The following MCPH1 variants were observed in gnomAD, a reference collection of about 807,000 sequenced individuals.
MCPH1 encodes microcephalin.
Under a neutral mutation model 84.5 loss-of-function variants are expected in MCPH1, and 104 were observed. That is an observed-to-expected ratio of 1.23 (90% CI 1.05 to 1.45). MCPH1 has a LOEUF of 1.45. Among genes scored for constraint, MCPH1 ranks in the 40% most tolerant of loss-of-function variants. MCPH1 has a pLI of 0.00. For missense variants in MCPH1, 1,498 were observed against 1,005.7 expected (o/e 1.49, Z -6.62); for synonymous variants, 514 against 366.8 (o/e 1.40, Z -4.58).
intron 12 of MCPH1, among the ~76,000 whole-genome samples, chr8:6,560,422 C>T (rs1340919328): frequency 6.6e-6 from 1 of 152,068 alleles, no homozygotes; most frequent in East Asian, 1.9e-4. Context: ...GGTGACAAAA[C>T]ACAGGAGAAA....
At chr8:6,416,964 A>G (rs1563175383) in intron 3 of MCPH1, among the ~76,000 whole-genome samples, 1 of 151,862 alleles carries the variant, frequency 6.6e-6, no homozygotes, top group Non-Finnish European at 1.5e-5. Context: ...ATTGCACTTT[A>G]GCCTGGGCGA....
chr8:6,548,754 A>G (rs1441214340), intron 12 of MCPH1, among the ~76,000 whole-genome samples: 1 of 152,238 alleles, frequency 6.6e-6, no homozygotes, highest in African/African-American at 2.4e-5. Flanking sequence ...TCTCTCTCTG[A>G]TGATGCTGGA....
intron 9 of MCPH1, among the ~76,000 whole-genome samples, chr8:6,459,888 T>C (rs1261048860): frequency 1.3e-5 from 2 of 152,184 alleles, no homozygotes; most frequent in African/African-American, 4.8e-5. Context: ...TGGGAAGGCC[T>C]GGAGCCTGTG....
At chr8:6,616,852 CT>C (rs761548139) in intron 12 of MCPH1, 11 of 152,224 alleles carry the variant, frequency 7.2e-5, no homozygotes, top group Non-Finnish European at 1.3e-4. Flanking sequence ...TTAATCCCCT[CT>C]TCTTTCATGA....
chr8:6,559,975 A>T (rs1825267551), intron 12 of MCPH1, among the ~76,000 whole-genome samples: 1 of 152,224 alleles, frequency 6.6e-6, no homozygotes, highest in South Asian at 2.1e-4. Context: ...CGGACAGATT[A>T]AAGGGGCAGC....
At position 6,455,205 on chromosome 8, in the gene MCPH1, C is replaced by G; in HGVS notation, c.1888C>G (p.Leu630Val). 6.2e-7 allele frequency: 1 copy of G among 1,614,000 alleles called. No homozygotes were observed. Among genetic ancestry groups the G allele is most frequent in the Non-Finnish European group, 8.5e-7 (1 of 1,179,946 alleles). ...LDDSCDGFKD[L>V]IKPHEELKKS... is the part of the protein sequence containing the mutation. Reference sequence around the variant, plus strand: ...TGACTCATGTGACGGCTTTAAGGACCTCATCAAACCTCATGAGGAATTGAA... The same window carrying G: ...TGACTCATGTGACGGCTTTAAGGACGTCATCAAACCTCATGAGGAATTGAA... The change falls in exon 9 of 14, where the codon CTC (leucine) becomes GTC (valine). Residue 630 changes from leucine (L) to valine (V), a missense_variant. Leu to Val is a conservative substitution (Grantham distance 32). Transcript: ENST00000344683.
intron 12 of MCPH1, among the ~76,000 whole-genome samples, chr8:6,531,309 G>A (rs1365611668): frequency 3.6e-5 from 5 of 137,278 alleles, no homozygotes; most frequent in Non-Finnish European, 7.8e-5. Flanking sequence ...TTTTTTTTGA[G>A]TTGAAGTCTC....
intron 11 of MCPH1, among the ~76,000 whole-genome samples, chr8:6,487,516 G>T (rs946469864): frequency 1.3e-5 from 2 of 152,194 alleles, no homozygotes; most frequent in Non-Finnish European, 2.9e-5. Flanking sequence ...TCCTAAGTCT[G>T]TTCAAAAGGG....
chr8:6,597,711 C>A (rs1191471241), intron 12 of MCPH1, among the ~76,000 whole-genome samples: 1 of 152,184 alleles, frequency 6.6e-6, no homozygotes, highest in Non-Finnish European at 1.5e-5. Context: ...TCTCTGGGAA[C>A]ATTTCCTTCA....
chr8:6,571,700 T>C (rs928196418), intron 12 of MCPH1, among the ~76,000 whole-genome samples: 1 of 152,176 alleles, frequency 6.6e-6, no homozygotes, highest in African/African-American at 2.4e-5. Context: ...AAATTGCTTA[T>C]GTCAAAGAAG....
chr8:6,435,757 G>T lies in MCPH1; in HGVS notation c.322-291G>T, dbSNP rs138429838. Among the ~76,000 whole-genome samples the T allele has an allele frequency of 6.7e-3, 1,013 of 152,184 alleles. 10 individuals are homozygous for T. The highest frequency in any genetic ancestry group is 9.0e-3 in the Admixed American group (137 of 15,290). Reference sequence around the variant, plus strand: ...TTGGTGGTAAGAACAGCAAAAAATCGAAAGAGACTGGCTAAAAACTTTCAT... The same window carrying T: ...TTGGTGGTAAGAACAGCAAAAAATCTAAAGAGACTGGCTAAAAACTTTCAT... On this transcript the variant is annotated intron_variant, in intron 4 of 13. Coordinates refer to ENST00000344683, the MANE Select transcript of MCPH1 (RefSeq NM_024596.5).
intron 13 of MCPH1, among the ~76,000 whole-genome samples, chr8:6,633,399 T>C (rs1317052115): frequency 6.6e-6 from 1 of 152,188 alleles, no homozygotes; most frequent in African/African-American, 2.4e-5. Context: ...AATTATAAAA[T>C]GTAACAGAAA....
At chr8:6,439,433 C>G (rs1167539458) in intron 6 of MCPH1, among the ~76,000 whole-genome samples, 1 of 150,192 alleles carries the variant, frequency 6.7e-6, no homozygotes, top group Admixed American at 6.6e-5. Context: ...ATTTGTCACC[C>G]AGGCTGGAGT....
intron 12 of MCPH1, among the ~76,000 whole-genome samples, chr8:6,547,609 C>T (rs1822834279): frequency 1.3e-5 from 2 of 152,110 alleles, no homozygotes; most frequent in South Asian, 2.1e-4. Context: ...TCACTTGCCT[C>T]ATCAGTAGAG....
intron 12 of MCPH1, chr8:6,520,098 A>T: frequency 7.8e-7 from 1 of 1,285,848 alleles, no homozygotes; most frequent in Non-Finnish European, 1.1e-6. Context: ...TGGAATTCTT[A>T]AGTAAGCAAA....
intron 11 of MCPH1, among the ~76,000 whole-genome samples, chr8:6,484,004 A>C (rs1456431647): frequency 2.0e-5 from 3 of 152,230 alleles, no homozygotes; most frequent in African/African-American, 7.2e-5. Flanking sequence ...TACAAGAAAA[A>C]TGATCTTGGT....
At chr8:6,475,222 C>T (rs1483613506) in intron 9 of MCPH1, among the ~76,000 whole-genome samples, 1 of 152,238 alleles carries the variant, frequency 6.6e-6, no homozygotes. Context: ...AGTACCAGTG[C>T]AGCTAATGAC....
intron 12 of MCPH1, among the ~76,000 whole-genome samples, chr8:6,554,051 T>C (rs1167667334): frequency 6.6e-6 from 1 of 151,154 alleles, no homozygotes; most frequent in Non-Finnish European, 1.5e-5. Flanking sequence ...GGAACAGTCA[T>C]AATGAAGGTG....
At chr8:6,469,048 T>A (rs1011986186) in intron 9 of MCPH1, among the ~76,000 whole-genome samples, 3 of 151,932 alleles carry the variant, frequency 2.0e-5, no homozygotes, top group Admixed American at 2.0e-4. Context: ...TTTAAAAATA[T>A]TAGTTGGACA....
Sources: allele counts gnomAD v4.1 joint callset (sites outside exome capture counted in the v4.1 genomes callset), GRCh38; gene constraint gnomAD v4.1.1; transcripts MANE v1.5; gene names NCBI Gene and HGNC (gene_info 2026-07-23, HGNC 2026-07-21).